Variants in BRD10 observed in about 807,000 individuals in gnomAD.
BRD10 encodes uncharacterized bromodomain-containing protein 10.
At chr9:5,897,607 T>C in the BRD10 span, 1 of 1,614,172 alleles carries the variant, frequency 6.2e-7, no homozygotes, top group Non-Finnish European at 8.5e-7. Flanking sequence ...TTACTGCTCA[T>C]CGGCTGTTGG....
the BRD10 span, among the ~76,000 whole-genome samples, chr9:5,945,849 G>GA: frequency 2.4e-4 from 37 of 151,688 alleles, no homozygotes; most frequent in Non-Finnish European, 5.2e-4. Context: ...GAATAGAGAG[G>GA]AAAAATCTCA....
the BRD10 span, among the ~76,000 whole-genome samples, chr9:5,948,293 TCTC>T: frequency 6.6e-5 from 10 of 152,166 alleles, no homozygotes; most frequent in African/African-American, 1.9e-4. Context: ...ACCCAGGACT[TCTC>T]CTACTATATT....
the BRD10 span, among the ~76,000 whole-genome samples, chr9:5,950,289 G>C: frequency 6.6e-6 from 1 of 152,228 alleles, no homozygotes; most frequent in Non-Finnish European, 1.5e-5. Context: ...TCATAATTCA[G>C]TGTTTTTCAC....
the BRD10 span, among the ~76,000 whole-genome samples, chr9:5,905,332 T>A: frequency 6.6e-6 from 1 of 151,798 alleles, no homozygotes; most frequent in Non-Finnish European, 1.5e-5. Flanking sequence ...GGAAGGGAGG[T>A]GAGAGATGCC....
At chr9:5,885,949 C>A in the BRD10 span, among the ~76,000 whole-genome samples, 5 of 152,176 alleles carry the variant, frequency 3.3e-5, no homozygotes, top group East Asian at 9.6e-4. Flanking sequence ...GATTTTCAGG[C>A]ATAACCCTGA....
chr9:5,991,077 T>A, the BRD10 span, among the ~76,000 whole-genome samples: 1 of 152,176 alleles, frequency 6.6e-6, no homozygotes, highest in Non-Finnish European at 1.5e-5. Flanking sequence ...GTTAAAGATG[T>A]CCATATTACA....
At chr9:5,923,089 C>T in the BRD10 span, 365 of 1,613,836 alleles carry the variant, frequency 2.3e-4, 1 homozygote, top group Admixed American at 5.0e-4. Flanking sequence ...AGTCAATCTG[C>T]ACATCACTTT....
the BRD10 span, among the ~76,000 whole-genome samples, chr9:5,985,591 T>C: frequency 2.0e-5 from 3 of 151,978 alleles, no homozygotes; most frequent in African/African-American, 7.2e-5. Context: ...TTCAAGACCA[T>C]CCTGACCAAC....
At chr9:6,005,383 T>C in the BRD10 span, among the ~76,000 whole-genome samples, 1 of 152,230 alleles carries the variant, frequency 6.6e-6, no homozygotes, top group African/African-American at 2.4e-5. Context: ...CGGTGACAAC[T>C]AACCCCAGCT....
chr9:5,950,400 A>AC, the BRD10 span, among the ~76,000 whole-genome samples: 1 of 152,294 alleles, frequency 6.6e-6, no homozygotes, highest in Middle Eastern at 3.4e-3. Flanking sequence ...TACTATTATT[A>AC]CCCCACTGTA....
At chr9:5,942,484 A>G in the BRD10 span, among the ~76,000 whole-genome samples, 1 of 152,350 alleles carries the variant, frequency 6.6e-6, no homozygotes, top group Admixed American at 6.5e-5. Flanking sequence ...GTTAATTCCT[A>G]GAATATCTAT....
At chr9:5,993,789 A>C in the BRD10 span, among the ~76,000 whole-genome samples, 2 of 152,226 alleles carry the variant, frequency 1.3e-5, no homozygotes, top group Non-Finnish European at 2.9e-5. Context: ...GATCCTTATA[A>C]ATCAGCCTTC....
chr9:5,983,827 T>A, the BRD10 span, among the ~76,000 whole-genome samples: 1 of 151,972 alleles, frequency 6.6e-6, no homozygotes, highest in Non-Finnish European at 1.5e-5. Flanking sequence ...AGAAATAAGA[T>A]AGACCACCCC....
At chr9:6,002,549 A>T in the BRD10 span, among the ~76,000 whole-genome samples, 2 of 152,198 alleles carry the variant, frequency 1.3e-5, no homozygotes, top group South Asian at 4.1e-4. Flanking sequence ...TTTGATCTTG[A>T]CTGAGGATAA....
chr9:5,880,650 A>G, the BRD10 span, among the ~76,000 whole-genome samples: 2 of 152,030 alleles, frequency 1.3e-5, no homozygotes, highest in Non-Finnish European at 2.9e-5. Context: ...ACCTTGGGCA[A>G]TTTCAGTTTC....
the BRD10 span, chr9:5,906,845 C>A: frequency 7.6e-7 from 1 of 1,322,244 alleles, no homozygotes. Context: ...GATTCAGTTA[C>A]TTCTTCTCAC....
chr9:5,929,637 T>C, the BRD10 span, among the ~76,000 whole-genome samples: 1 of 152,172 alleles, frequency 6.6e-6, no homozygotes, highest in Admixed American at 6.5e-5. Flanking sequence ...TATTTTACAA[T>C]GTTTCTAGCC....
the BRD10 span, among the ~76,000 whole-genome samples, chr9:5,936,558 T>G: frequency 6.6e-6 from 1 of 152,198 alleles, no homozygotes; most frequent in Non-Finnish European, 1.5e-5. Context: ...TCCTTTGTGC[T>G]CTCTGCTGGA....
chr9:5,920,691 G>C, the BRD10 span: 1 of 1,613,952 alleles, frequency 6.2e-7, no homozygotes, highest in Non-Finnish European at 8.5e-7. Context: ...GTGGCTCCTG[G>C]TACTGCTGCC....
Sources: allele counts gnomAD v4.1 joint callset (sites outside exome capture counted in the v4.1 genomes callset), GRCh38; gene constraint gnomAD v4.1.1; transcripts MANE v1.5; gene names NCBI Gene and HGNC (gene_info 2026-07-23, HGNC 2026-07-21).